Variants in GPR83 observed in about 807,000 individuals in gnomAD.
GPR83 encodes the protein G protein-coupled receptor 83.
A neutral mutation model predicts 28.0 loss-of-function variants in GPR83; 23 were observed. The observed-to-expected ratio is 0.82, with a 90% confidence interval of 0.59 to 1.16. The LOEUF (loss-of-function observed/expected upper bound fraction) is 1.16. Among genes scored for constraint, GPR83 ranks in the 50% most tolerant of loss-of-function variants. The pLI, the probability that GPR83 is intolerant of heterozygous loss-of-function variation, is 0.00. For missense variants in GPR83, 610 were observed against 536.6 expected, an observed-to-expected ratio of 1.14 and a Z score of -1.35; for synonymous variants, 234 against 215.4, an observed-to-expected ratio of 1.09 and a Z score of -0.76.
At chr11:94,400,439 A>G (rs1944900590) in intron 1 of GPR83, among the ~76,000 whole-genome samples, 1 of 151,620 alleles carries the variant, frequency 6.6e-6, no homozygotes, top group African/African-American at 2.4e-5. Context: ...TGGGGAGAGG[A>G]GAGGAGAGGA....
At chr11:94,396,917 T>C (rs1329415640) in intron 1 of GPR83, among the ~76,000 whole-genome samples, 1 of 150,836 alleles carries the variant, frequency 6.6e-6, no homozygotes, top group Admixed American at 6.6e-5. Context: ...AGGCTTAGTA[T>C]AAGGTTTAAA....
At chr11:94,396,257 C>T in intron 2 of GPR83, 142 bp downstream of exon 2, 2 of 743,636 alleles carry the variant, frequency 2.7e-6, no homozygotes, top group South Asian at 1.9e-5. Flanking sequence ...ATATCCCTAA[C>T]CTATGTGTTC....
chr11:94,388,584 G>A (rs1194164211), intron 3 of GPR83, among the ~76,000 whole-genome samples: 1 of 152,122 alleles, frequency 6.6e-6, no homozygotes, highest in Admixed American at 6.6e-5. Context: ...TTGCTTCAAA[G>A]ACAATAAAAT....
intron 3 of GPR83, among the ~76,000 whole-genome samples, chr11:94,387,438 A>C (rs1345877498): frequency 2.0e-5 from 3 of 152,222 alleles, no homozygotes; most frequent in Non-Finnish European, 2.9e-5. Flanking sequence ...TAGCAAGACT[A>C]ATAAAGAAGA....
intron 3 of GPR83, among the ~76,000 whole-genome samples, chr11:94,386,437 C>T (rs1469126569): frequency 1.3e-5 from 2 of 152,162 alleles, no homozygotes; most frequent in African/African-American, 4.8e-5. Flanking sequence ...CATCAGTGTG[C>T]TGTATTCAGG....
At chr11:94,400,485 C>G (rs1242290244) in intron 1 of GPR83, among the ~76,000 whole-genome samples, 2 of 120,828 alleles carry the variant, frequency 1.7e-5, no homozygotes, top group Non-Finnish European at 3.3e-5. Context: ...GAGAGACTGA[C>G]AAGAAGAAAA....
At chr11:94,381,580 C>T (rs202151636) in intron 3 of GPR83, among the ~76,000 whole-genome samples, 9,515 of 38,492 alleles carry the variant, frequency 0.25, 412 homozygotes, top group Admixed American at 0.38. Flanking sequence ...TGTGTGTGTG[C>T]GCGCGTGCTG....
At chr11:94,386,370 G>C (rs1260790778) in intron 3 of GPR83, among the ~76,000 whole-genome samples, 1 of 152,072 alleles carries the variant, frequency 6.6e-6, no homozygotes, top group Non-Finnish European at 1.5e-5. Context: ...AATGTAAATG[G>C]GCTAAATGCT....
rs772463829 is a variant in GPR83 at position 94,401,209 on chromosome 11, C to T, written c.39G>A (p.Leu13=). Residue 13 remains leucine (L), a synonymous_variant, in exon 1 of 4, where the codon TTG becomes TTA. Transcript: ENST00000243673. ...CCTCGTGGGGCTCGGTGGCTCGCACCAAGGGGAGGAGACAGAGCAGCAAGA... is the reference window on the plus strand; with the variant it reads ...CCTCGTGGGGCTCGGTGGCTCGCACTAAGGGGAGGAGACAGAGCAGCAAGA... ...PHLLLLCLLP[L]VRATEPHEGR... The T allele has an allele frequency of 1.2e-6, 2 of 1,612,558 alleles. No homozygotes were observed. Among genetic ancestry groups the T allele is most frequent in the Admixed American group, 3.3e-5 (2 of 59,952 alleles).
chr11:94,380,537 A>G lies in GPR83; in HGVS notation c.884T>C (p.Met295Thr), dbSNP rs1944675942. ...GAGGGCAAAGAGGACTACCACCAGC[A>G]TCAACATCTTGATGGTCTTCTTCTT... The part of the protein sequence containing the change: ...RKKKKTIKML[M>T]LVVVLFALCW... Residue 295 changes from methionine (M) to threonine (T), a missense_variant, in exon 4 of 4, where the codon ATG becomes ACG. Coordinates refer to ENST00000243673, the MANE Select transcript of GPR83 (RefSeq NM_016540.4). 6.2e-7 allele frequency: 1 copy of G among 1,614,116 alleles called. No individual in the cohort carries two copies. The highest frequency in any genetic ancestry group is 8.5e-7 in the Non-Finnish European group (1 of 1,180,046).
At position 94,379,375 on chromosome 11, in the gene GPR83, A is replaced by G. The variant is rs1286069050; in HGVS notation, c.*774T>C. ...GACAGAGCGAGATTCCATCTCAAAA[A>G]AAAAAAAAAAAAGAAAAAAAAAAGG... On this transcript the variant is annotated 3_prime_UTR_variant, in exon 4 of 4. Coordinates refer to ENST00000243673, the MANE Select transcript of GPR83 (RefSeq NM_016540.4). The G allele has an allele frequency of 1.5e-5, 2 of 137,160 alleles. No individual in the cohort carries two copies. Among genetic ancestry groups the G allele is most frequent in the Admixed American group, 7.3e-5 (1 of 13,738 alleles). 8.5% of individuals were successfully genotyped at this position (137,160 alleles called of 1,614,324 possible).
chr11:94,394,044 C>T (rs201100406), intron 2 of GPR83, among the ~76,000 whole-genome samples: 4 of 152,084 alleles, frequency 2.6e-5, no homozygotes, highest in African/African-American at 4.8e-5. Context: ...TCATCTGCCC[C>T]GCTGGTCATA....
At chr11:94,385,461 A>G (rs1012949200) in intron 3 of GPR83, among the ~76,000 whole-genome samples, 1 of 152,188 alleles carries the variant, frequency 6.6e-6, no homozygotes, top group African/African-American at 2.4e-5. Context: ...AAAAGATTAG[A>G]CTAATGGCTA....
chr11:94,378,183 G>C lies in GPR83; in HGVS notation c.*1966C>G, dbSNP rs1210117513. On this transcript the variant is annotated 3_prime_UTR_variant, in exon 4 of 4. Transcript: ENST00000243673. ...TAATTCAGTGAGTTTTCAAAATCTT[G>C]TGTCTTGAAAATTTTCAACCATCTT... The C allele has an allele frequency of 8.2e-6, 1 of 121,850 alleles. No homozygotes were observed. Among genetic ancestry groups the C allele is most frequent in the Non-Finnish European group, 1.8e-5 (1 of 56,472 alleles). The allele number at this position is 121,850 out of a possible 1,614,324, so 7.5% of individuals were successfully genotyped here.
chr11:94,386,408 T>C (rs1944756231), intron 3 of GPR83, among the ~76,000 whole-genome samples: 1 of 152,148 alleles, frequency 6.6e-6, no homozygotes. Flanking sequence ...CCTGGCAAAT[T>C]GGATAAAGAG....
intron 2 of GPR83, among the ~76,000 whole-genome samples, chr11:94,394,912 G>T (rs940219796): frequency 1.3e-5 from 2 of 152,178 alleles, no homozygotes; most frequent in Non-Finnish European, 2.9e-5. Flanking sequence ...TTAGCCCATG[G>T]TCAATGCTCA....
chr11:94,398,120 T>C (rs576989843), intron 1 of GPR83, among the ~76,000 whole-genome samples: 24 of 152,286 alleles, frequency 1.6e-4, no homozygotes, highest in African/African-American at 5.5e-4. Context: ...GGGTACCCCA[T>C]TATCTCTCCC....
At position 94,389,686 on chromosome 11, in the gene GPR83, C is replaced by A. The variant is rs551077107; in HGVS notation, c.647+3799G>T. 2.8e-3 allele frequency among the ~76,000 whole-genome samples: 421 copies of A among 152,176 alleles called. 3 individuals carry two copies. Among genetic ancestry groups the A allele is most frequent in the African/African-American group, 9.2e-3 (383 of 41,532 alleles). ...CAGGAAACAACAGGTGCTGGAGAGG[C>A]TGTGGAGAAATAGGAATACTTTGAC... On this transcript the variant is annotated intron_variant, in intron 3 of 3. Coordinates refer to ENST00000243673, the MANE Select transcript of GPR83 (RefSeq NM_016540.4).
intron 3 of GPR83, 136 bp from the exon 4 acceptor site, chr11:94,380,909 G>T: frequency 2.9e-6 from 2 of 689,230 alleles, no homozygotes; most frequent in Non-Finnish European, 2.4e-6. Context: ...CACTTTTGAT[G>T]CTGTAGCCTA....
Sources: gnomAD v4.1 joint callset for allele counts (sites outside exome capture counted in the v4.1 genomes callset) on GRCh38, gnomAD v4.1.1 for gene constraint, MANE v1.5 for transcripts, NCBI Gene and HGNC (gene_info 2026-07-23, HGNC 2026-07-21) for gene names.